Variants in TSNARE1 observed in about 807,000 individuals in gnomAD.
TSNARE1 encodes t-SNARE domain-containing protein 1.
In TSNARE1, 49 loss-of-function variants were observed where a neutral mutation model predicts 62.0. That is an observed-to-expected ratio of 0.79 (90% CI 0.63 to 1.00). The LOEUF is 1.00. Ranked by LOEUF, TSNARE1 falls within the 50% of genes least tolerant of loss-of-function variation. TSNARE1 has a pLI of 0.00. For synonymous variants in TSNARE1, 328 were observed against 294.4 expected, an observed-to-expected ratio of 1.11 and a Z score of -1.17; for missense variants, 755 against 700.1, an observed-to-expected ratio of 1.08 and a Z score of -0.88.
intron 1 of TSNARE1, among the ~76,000 whole-genome samples, chr8:142,377,546 G>A (rs1029381896): frequency 1.2e-4 from 19 of 152,306 alleles, no homozygotes; most frequent in South Asian, 4.1e-4. Context: ...GAAGGCAGGC[G>A]AGCGCCCCAG....
chr8:142,270,500 ATATT>A (rs1402128608), intron 12 of TSNARE1: 12 of 900,328 alleles, frequency 1.3e-5, no homozygotes, highest in African/African-American at 1.1e-4. Flanking sequence ...ATATATATAT[ATATT>A]TATGTATTTA....
intron 1 of TSNARE1, among the ~76,000 whole-genome samples, chr8:142,394,912 G>A (rs1396468107): frequency 6.6e-6 from 1 of 152,140 alleles, no homozygotes; most frequent in Non-Finnish European, 1.5e-5. Context: ...AAGGGTGCAG[G>A]GCCCTAGAAG....
chr8:142,282,352 G>A (rs952376769), intron 11 of TSNARE1, among the ~76,000 whole-genome samples: 7 of 152,270 alleles, frequency 4.6e-5, no homozygotes, highest in Non-Finnish European at 8.8e-5. Flanking sequence ...AAGGCGTGGA[G>A]GCTAGTATCT....
At chr8:142,304,249 C>G (rs1408906573) in intron 9 of TSNARE1, among the ~76,000 whole-genome samples, 2 of 152,234 alleles carry the variant, frequency 1.3e-5, no homozygotes, top group Non-Finnish European at 1.5e-5. Flanking sequence ...CAGGGAGGCG[C>G]TGGCCTCGCG....
intron 1 of TSNARE1, among the ~76,000 whole-genome samples, chr8:142,368,593 C>A (rs1396067939): frequency 6.6e-6 from 1 of 152,138 alleles, no homozygotes; most frequent in East Asian, 1.9e-4. Flanking sequence ...ACCCCAGGGG[C>A]CACCCAGGCA....
chr8:142,402,652 C>G (rs1206514353), intron 1 of TSNARE1: 2 of 152,692 alleles, frequency 1.3e-5, no homozygotes, highest in Admixed American at 6.5e-5. Context: ...GTCCCCAGCT[C>G]AGGCTCGAAG....
chr8:142,398,107 G>A (rs1383359254), intron 1 of TSNARE1, among the ~76,000 whole-genome samples: 1 of 152,052 alleles, frequency 6.6e-6, no homozygotes, highest in Non-Finnish European at 1.5e-5. Context: ...GCTGCCTGGA[G>A]TAGCTGCCTC....
chr8:142,316,436 G>A (rs1262785346), intron 7 of TSNARE1, among the ~76,000 whole-genome samples: 1 of 151,826 alleles, frequency 6.6e-6, no homozygotes, highest in Non-Finnish European at 1.5e-5. Context: ...ACAGGGGACT[G>A]CTGCCTCTGT....
intron 4 of TSNARE1, among the ~76,000 whole-genome samples, chr8:142,342,891 G>C (rs556456572): frequency 6.7e-6 from 1 of 149,132 alleles, no homozygotes; most frequent in African/African-American, 2.5e-5. Flanking sequence ...GCACCTGCCC[G>C]GGCCCACCAC....
At chr8:142,340,519 C>G (rs1563946336) in intron 4 of TSNARE1, among the ~76,000 whole-genome samples, 1 of 152,206 alleles carries the variant, frequency 6.6e-6, no homozygotes, top group Admixed American at 6.5e-5. Flanking sequence ...GTGGCGGTGG[C>G]TGCACAGCAC....
chr8:142,239,701 C>T (rs886667776), intron 12 of TSNARE1, among the ~76,000 whole-genome samples: 3 of 152,198 alleles, frequency 2.0e-5, no homozygotes, highest in Non-Finnish European at 4.4e-5. Flanking sequence ...CGAGTGGGGC[C>T]TGTGATTAGC....
chr8:142,217,412 A>G (rs1815932602), intron 13 of TSNARE1, among the ~76,000 whole-genome samples: 1 of 152,238 alleles, frequency 6.6e-6, no homozygotes. Context: ...GCAACGGCGT[A>G]AGGAATGGCT....
At chr8:142,255,856 A>ACCACCG (rs1463599170) in intron 12 of TSNARE1, among the ~76,000 whole-genome samples, 1 of 61,898 alleles carries the variant, frequency 1.6e-5, no homozygotes, top group Admixed American at 1.5e-4. Context: ...CACCACCACC[A>ACCACCG]TCACCATCAC....
At chr8:142,267,284 C>T (rs1275643110) in intron 12 of TSNARE1, among the ~76,000 whole-genome samples, 1 of 152,200 alleles carries the variant, frequency 6.6e-6, no homozygotes, top group Non-Finnish European at 1.5e-5. Context: ...GGGATCTTTT[C>T]TCCAGAACCT....
At chr8:142,363,164 T>C (rs915865854) in intron 1 of TSNARE1, among the ~76,000 whole-genome samples, 6 of 152,162 alleles carry the variant, frequency 3.9e-5, no homozygotes, top group African/African-American at 1.4e-4. Context: ...CACTGGTATC[T>C]ACTGGGGATG....
intron 9 of TSNARE1, among the ~76,000 whole-genome samples, chr8:142,303,806 C>A (rs1308665780): frequency 2.0e-5 from 3 of 152,160 alleles, no homozygotes; most frequent in Non-Finnish European, 4.4e-5. Flanking sequence ...GACAACAGGA[C>A]CAACAGCCAC....
Position 142,258,426 on chromosome 8 carries a change from T to C in TSNARE1, c.1446+16355A>G, listed in dbSNP as rs538205157. ...TTGGACAAGTCTTCTCTTCGCCCCC[T>C]GGGCCTTCTGCCTTCCCTCAGTTGG... On this transcript the variant is annotated intron_variant, in intron 12 of 13. Transcript: ENST00000524325. 3.3e-5 allele frequency among the ~76,000 whole-genome samples: 5 copies of C among 150,582 alleles called. No homozygotes were observed. The South Asian group carries it at 1.1e-3, about 32-fold the overall frequency.
chr8:142,322,677 C>A (rs1222829075), intron 6 of TSNARE1, among the ~76,000 whole-genome samples: 1 of 151,874 alleles, frequency 6.6e-6, no homozygotes, highest in African/African-American at 2.4e-5. Context: ...TGTCCGTGGG[C>A]TGGACGATGA....
intron 6 of TSNARE1, 90 bp downstream of exon 6, chr8:142,330,811 G>T: frequency 7.5e-7 from 1 of 1,341,038 alleles, no homozygotes; most frequent in Non-Finnish European, 1.1e-6. Flanking sequence ...TGTGGACAAA[G>T]CCCGTGTGCA....
Sources: allele counts gnomAD v4.1 joint callset (sites outside exome capture counted in the v4.1 genomes callset), GRCh38; gene constraint gnomAD v4.1.1; transcripts MANE v1.5; gene names NCBI Gene and HGNC (gene_info 2026-07-23, HGNC 2026-07-21).